The following USP32 variants were observed in gnomAD, a reference collection of about 807,000 sequenced individuals.
USP32 encodes the protein ubiquitin carboxyl-terminal hydrolase 32.
USP32 carries 59 observed loss-of-function variants against 204.8 expected under a neutral mutation model. That is an observed-to-expected ratio of 0.29 (90% CI 0.23 to 0.36). The LOEUF (loss-of-function observed/expected upper bound fraction) is 0.36. USP32 is among the 10% of genes least tolerant of loss of function. The pLI, the probability that USP32 is intolerant of heterozygous loss-of-function variation, is 1.00. For missense variants in USP32, 1,160 were observed against 1,946.4 expected (o/e 0.60, Z 7.60); for synonymous variants, 517 against 678.4 (o/e 0.76, Z 3.70).
intron 12 of USP32, among the ~76,000 whole-genome samples, chr17:60,232,477 T>TG (rs895119179): frequency 1.1e-5 from 1 of 92,216 alleles, no homozygotes; most frequent in African/African-American, 1.1e-4. Context: ...CTGGCCCAAA[T>TG]TTTTTTTTTT....
intron 11 of USP32, 41 bp downstream of exon 11, chr17:60,252,340 T>C (rs117703545): frequency 0.019 from 27,566 of 1,447,616 alleles, 382 homozygotes; most frequent in Non-Finnish European, 0.024. Flanking sequence ...ATATTTCAAG[T>C]ATGTGAAATT....
intron 27 of USP32, among the ~76,000 whole-genome samples, chr17:60,197,423 G>C (rs1271168633): frequency 1.3e-5 from 2 of 151,898 alleles, no homozygotes; most frequent in African/African-American, 4.8e-5. Context: ...TGACCAACAT[G>C]AAGAAACCCC....
chr17:60,220,631 G>T (rs1217584869), intron 15 of USP32, among the ~76,000 whole-genome samples: 3 of 151,134 alleles, frequency 2.0e-5, no homozygotes, highest in Non-Finnish European at 4.4e-5. Flanking sequence ...GGATAGCAGG[G>T]TTAACACTGA....
intron 1 of USP32, among the ~76,000 whole-genome samples, chr17:60,410,874 A>AT (rs1285304837): frequency 1.3e-5 from 2 of 151,796 alleles, no homozygotes; most frequent in Non-Finnish European, 1.5e-5. Flanking sequence ...AGGTCAAGAG[A>AT]TTGAGACCAT....
intron 11 of USP32, among the ~76,000 whole-genome samples, chr17:60,238,215 C>A (rs569287113): frequency 2.6e-5 from 4 of 152,188 alleles, no homozygotes; most frequent in African/African-American, 9.6e-5. Context: ...TATTCAAGTC[C>A]ATTTTTAGGT....
intron 13 of USP32, 26 bp from the exon 14 acceptor site, chr17:60,223,612 C>A: frequency 6.4e-7 from 1 of 1,570,740 alleles, no homozygotes; most frequent in Non-Finnish European, 8.6e-7. Flanking sequence ...AGGATAGAAT[C>A]TCTTATTTTT....
chr17:60,292,987 G>A (rs142809065), intron 4 of USP32, among the ~76,000 whole-genome samples: 1 of 152,060 alleles, frequency 6.6e-6, no homozygotes, highest in East Asian at 1.9e-4. Context: ...CCACCTCAAG[G>A]CCTTTGCTAT....
At chr17:60,179,602 T>C (rs2084047894) in intron 33 of USP32, among the ~76,000 whole-genome samples, 174 bp from the exon 34 acceptor site, 1 of 152,190 alleles carries the variant, frequency 6.6e-6, no homozygotes, top group African/African-American at 2.4e-5. Context: ...TTATTTCCAA[T>C]GTTTGCTTTG....
chr17:60,263,575 C>T (rs2086509651), intron 9 of USP32, among the ~76,000 whole-genome samples: 1 of 152,146 alleles, frequency 6.6e-6, no homozygotes, highest in South Asian at 2.1e-4. Flanking sequence ...GAAGTAGAAA[C>T]TCCATCTAAC....
intron 1 of USP32, among the ~76,000 whole-genome samples, chr17:60,419,817 A>AATTATT (rs113546748): frequency 1.6e-3 from 223 of 138,654 alleles, no homozygotes; most frequent in East Asian, 3.1e-3. Flanking sequence ...GGTTAAAAAA[A>AATTATT]ATTATTATTA....
In USP32 at chr17:60,180,766, C is replaced by G. The variant is rs970123414; in HGVS notation, c.4549-129G>C. 22 of 955,522 alleles carry G rather than the reference C, an allele frequency of 2.3e-5. No homozygotes were observed. The Admixed American group carries it at 5.4e-4, about 23-fold the overall frequency. The allele number at this position is 955,522 out of a possible 1,614,324, so 59.2% of individuals were successfully genotyped here. On this transcript the variant is annotated intron_variant, in intron 32 of 33. Coordinates refer to ENST00000300896, the MANE Select transcript of USP32 (RefSeq NM_032582.4). ...AGTAGGTGAAAAAATATTTTAGAACCCTCTAACTTTTTCTAAAACCAAAAT... is the reference window on the plus strand; with the variant it reads ...AGTAGGTGAAAAAATATTTTAGAACGCTCTAACTTTTTCTAAAACCAAAAT...
chr17:60,209,885 C>T (rs1053260933), intron 21 of USP32, among the ~76,000 whole-genome samples: 8 of 151,956 alleles, frequency 5.3e-5, no homozygotes, highest in African/African-American at 9.6e-5. Flanking sequence ...TGTTCTATAA[C>T]GTTTTACATT....
chr17:60,283,888 A>C (rs1189588988), intron 5 of USP32, among the ~76,000 whole-genome samples: 1 of 152,244 alleles, frequency 6.6e-6, no homozygotes, highest in Non-Finnish European at 1.5e-5. Context: ...GATGAAGCAA[A>C]GAATGTACAT....
chr17:60,346,014 A>G (rs1435547140), intron 1 of USP32, among the ~76,000 whole-genome samples: 2 of 151,682 alleles, frequency 1.3e-5, no homozygotes, highest in African/African-American at 2.4e-5. Flanking sequence ...AAAAAAAAAG[A>G]AAAATTGGCA....
Position 60,255,183 on chromosome 17 carries a change from G to T in USP32, c.1066C>A (p.Leu356Ile), listed in dbSNP as rs531118764. 1.9e-6 allele frequency: 3 copies of T among 1,611,822 alleles called. No homozygotes were observed. The African/African-American group carries it at 4.0e-5, about 22-fold the overall frequency. The change falls in exon 10 of 34, where the codon CTT (leucine) becomes ATT (isoleucine). Residue 356 changes from leucine to isoleucine, a missense_variant. Around this residue, in one of 8 missense-constraint regions of USP32, gnomAD observed 536 missense variants for 680.9 expected, o/e 0.79. Transcript: ENST00000300896. ...NVLANEFLNL[L>I]FQVCHIVLGL... ...ATTTACCTTAAACATACCTGGAAAA[G>T]GAGGTTCAAAAACTCATTGGCAAGA...
At chr17:60,223,696 G>A in intron 13 of USP32, 110 bp from the exon 14 acceptor site, 1 of 885,988 alleles carries the variant, frequency 1.1e-6, no homozygotes, top group Non-Finnish European at 1.6e-6. Flanking sequence ...TGACATGTCA[G>A]TACAGATTAA....
At chr17:60,223,788 T>C (rs2085316127) in intron 13 of USP32, among the ~76,000 whole-genome samples, 1 of 152,202 alleles carries the variant, frequency 6.6e-6, no homozygotes, top group Non-Finnish European at 1.5e-5. Flanking sequence ...TAAGAGCTTT[T>C]AAAATTATTA....
chr17:60,312,971 C>T (rs539105441), intron 2 of USP32, among the ~76,000 whole-genome samples: 2 of 151,984 alleles, frequency 1.3e-5, no homozygotes, highest in African/African-American at 4.8e-5. Context: ...TGGCTGGGCA[C>T]GGTGGCTCAT....
At chr17:60,310,551 T>C (rs2087829752) in intron 2 of USP32, among the ~76,000 whole-genome samples, 1 of 151,818 alleles carries the variant, frequency 6.6e-6, no homozygotes, top group South Asian at 2.1e-4. Flanking sequence ...ATACAAAAAT[T>C]AGCTGGGCGT....
Sources: gnomAD v4.1 joint callset for allele counts (sites outside exome capture counted in the v4.1 genomes callset) on GRCh38, gnomAD v4.1.1 for gene constraint, gnomAD v4.1.1 regional missense constraint, MANE v1.5 for transcripts, NCBI Gene and HGNC (gene_info 2026-07-23, HGNC 2026-07-21) for gene names.